The following LRRC1 variants were observed in gnomAD, a reference collection of about 807,000 sequenced individuals.
LRRC1 encodes the protein leucine-rich repeat-containing protein 1.
Under a neutral mutation model 69.9 loss-of-function variants are expected in LRRC1, and 28 were observed. The observed-to-expected ratio is 0.40, with a 90% confidence interval of 0.30 to 0.55. LRRC1 has a LOEUF of 0.55. Among genes scored for constraint, LRRC1 ranks in the 20% least tolerant of loss-of-function variants. The pLI, the probability that LRRC1 is intolerant of heterozygous loss-of-function variation, is 0.47. For missense variants in LRRC1, 498 were observed against 609.0 expected, an observed-to-expected ratio of 0.82 and a Z score of 1.92; for synonymous variants, 236 against 240.2, an observed-to-expected ratio of 0.98 and a Z score of 0.16.
chr6:53,848,666 C>T (rs1440046598), intron 2 of LRRC1, among the ~76,000 whole-genome samples: 1 of 152,042 alleles, frequency 6.6e-6, no homozygotes, highest in Non-Finnish European at 1.5e-5. Context: ...AGTAAACTGC[C>T]GTTCCTCTTT....
At position 53,813,169 on chromosome 6, in the gene LRRC1, G is replaced by A. The variant is rs534825861; in HGVS notation, c.159+17754G>A. 3.3e-3 allele frequency among the ~76,000 whole-genome samples: 501 copies of A among 152,240 alleles called. 2 individuals are homozygous for A. The highest frequency in any genetic ancestry group is 0.011 in the African/African-American group (476 of 41,524). On this transcript the variant is annotated intron_variant, in intron 1 of 13. Coordinates refer to ENST00000370888, the MANE Select transcript of LRRC1 (RefSeq NM_018214.5). ...AGCAGCATAGTGGATTGTGGCCATG[G>A]GAGAGGTCATGGCCAGATCCAGGAT...
intron 4 of LRRC1, among the ~76,000 whole-genome samples, chr6:53,894,415 C>T (rs1767801228): frequency 6.6e-6 from 1 of 152,190 alleles, no homozygotes; most frequent in African/African-American, 2.4e-5. Context: ...TAACACTCAG[C>T]ATGAGGCTGT....
chr6:53,864,344 G>C (rs974005532), intron 2 of LRRC1, among the ~76,000 whole-genome samples: 1 of 152,034 alleles, frequency 6.6e-6, no homozygotes, highest in Admixed American at 6.5e-5. Flanking sequence ...TGTAAAATGA[G>C]TACCAAATGG....
At chr6:53,894,731 G>A (rs1767811524) in intron 4 of LRRC1, among the ~76,000 whole-genome samples, 1 of 152,082 alleles carries the variant, frequency 6.6e-6, no homozygotes, top group African/African-American at 2.4e-5. Context: ...ATGATTTACA[G>A]ATTATTTACA....
At chr6:53,888,667 A>G (rs1562061101) in intron 4 of LRRC1, among the ~76,000 whole-genome samples, 1 of 152,214 alleles carries the variant, frequency 6.6e-6, no homozygotes, top group African/African-American at 2.4e-5. Context: ...GAACATACAA[A>G]AGAATGAAGT....
intron 1 of LRRC1, among the ~76,000 whole-genome samples, chr6:53,814,670 A>G (rs1351734455): frequency 6.6e-6 from 1 of 152,244 alleles, no homozygotes; most frequent in African/African-American, 2.4e-5. Flanking sequence ...GCTTCCAGAC[A>G]TGCTATATTT....
intron 10 of LRRC1, among the ~76,000 whole-genome samples, chr6:53,911,239 G>C (rs1768398391): frequency 6.6e-6 from 1 of 152,240 alleles, no homozygotes; most frequent in African/African-American, 2.4e-5. Flanking sequence ...CTTCATTGAA[G>C]TTTACACAAT....
chr6:53,801,602 C>G (rs958459696), intron 1 of LRRC1, among the ~76,000 whole-genome samples: 10 of 152,062 alleles, frequency 6.6e-5, no homozygotes, highest in Non-Finnish European at 1.5e-5. Flanking sequence ...TAATTGTTTC[C>G]TGTGTTAGTC....
chr6:53,826,321 G>A (rs565798018), intron 1 of LRRC1, among the ~76,000 whole-genome samples: 34 of 151,648 alleles, frequency 2.2e-4, no homozygotes, highest in African/African-American at 8.2e-4. Context: ...CCTAATTTTG[G>A]TTTATGTTAA....
At chr6:53,901,963 T>C (rs747272043) in intron 8 of LRRC1, among the ~76,000 whole-genome samples, 27 of 152,198 alleles carry the variant, frequency 1.8e-4, no homozygotes, top group Non-Finnish European at 1.9e-4. Flanking sequence ...AGCCACTCAG[T>C]AGAGAATGAA....
intron 13 of LRRC1, among the ~76,000 whole-genome samples, chr6:53,921,264 G>A (rs574967347): frequency 3.4e-4 from 51 of 152,226 alleles, no homozygotes; most frequent in African/African-American, 1.1e-3. Context: ...CACTGTGCCC[G>A]GCCTGTTATT....
chr6:53,898,191 T>A (rs1398431030), intron 7 of LRRC1, among the ~76,000 whole-genome samples: 1 of 152,230 alleles, frequency 6.6e-6, no homozygotes, highest in Non-Finnish European at 1.5e-5. Flanking sequence ...CACTGAAGTT[T>A]CCATGATGTC....
intron 2 of LRRC1, among the ~76,000 whole-genome samples, chr6:53,865,335 CATCTT>C (rs1395772079): frequency 2.0e-5 from 3 of 152,078 alleles, no homozygotes; most frequent in Non-Finnish European, 4.4e-5. Context: ...CTGTAGGTCA[CATCTT>C]ATATATTTTC....
rs1476315923 is a variant in LRRC1, at chr6:53,920,656, C to T, written c.1311C>T (p.Asn437=). 2 of 1,614,166 alleles carry T rather than the reference C, an allele frequency of 1.2e-6. No individual in the cohort carries two copies. The highest frequency in any genetic ancestry group is 1.7e-6 in the Non-Finnish European group (2 of 1,180,024). The stretch of plus-strand genomic sequence containing the variant: ...TGCCTCGCTGTGGTGCACTGGAGAA[C>T]TTGGTAAATGATGTCTCTGATGAAG... The part of the protein sequence containing the change: ...ENLPRCGALE[N]LVNDVSDEAW... The change falls in exon 13 of 14, where the codon AAC becomes AAT. Residue 437 remains asparagine, a synonymous_variant. Transcript: ENST00000370888.
chr6:53,856,859 C>T (rs1329802497), intron 2 of LRRC1, among the ~76,000 whole-genome samples: 1 of 152,014 alleles, frequency 6.6e-6, no homozygotes, highest in Non-Finnish European at 1.5e-5. Flanking sequence ...GGTGGAGGGC[C>T]TTGAGAGGGG....
At position 53,842,214 on chromosome 6, in the gene LRRC1, T is replaced by G; in HGVS notation, c.264T>G (p.Asp88Glu). The G allele has an allele frequency of 6.2e-7, 1 of 1,612,598 alleles. No individual in the cohort carries two copies. The highest frequency in any genetic ancestry group is 8.5e-7 in the Non-Finnish European group (1 of 1,178,722). ...IANFMQLVEL[D>E]VSRNEIPEIP... is the part of the protein sequence containing the mutation. ...ACTTCATGCAGCTGGTGGAACTAGA[T>G]GTGTCTCGAAATGGTAAGAAAGATT... is the stretch of plus-strand genomic sequence containing the variant. The change falls in exon 2 of 14, where the codon GAT becomes GAG. Residue 88 changes from aspartate (D) to glutamate (E), a missense_variant. Physicochemically the swap from Asp to Glu is conservative, Grantham distance 45. Transcript: ENST00000370888.
intron 1 of LRRC1, among the ~76,000 whole-genome samples, chr6:53,824,497 T>A (rs777313504): frequency 1.3e-5 from 2 of 152,200 alleles, no homozygotes; most frequent in Admixed American, 6.5e-5. Flanking sequence ...TTTAATGAGA[T>A]CCCATTTGTC....
chr6:53,896,472 T>TC, intron 4 of LRRC1, 26 bp from the exon 5 acceptor site: 3 of 1,591,974 alleles, frequency 1.9e-6, no homozygotes, highest in Non-Finnish European at 2.6e-6. Context: ...TCTCTTATGC[T>TC]TTTTTTTCCT....
chr6:53,867,663 AT>A (rs902861505), intron 2 of LRRC1, among the ~76,000 whole-genome samples: 231 of 151,924 alleles, frequency 1.5e-3, no homozygotes, highest in African/African-American at 5.3e-3. Context: ...TATTTTTATT[AT>A]TTTTTTTAAC....
Sources: gnomAD v4.1 joint callset for allele counts (sites outside exome capture counted in the v4.1 genomes callset) on GRCh38, gnomAD v4.1.1 for gene constraint, MANE v1.5 for transcripts, NCBI Gene and HGNC (gene_info 2026-07-23, HGNC 2026-07-21) for gene names.